Variants in DYDC2 observed in about 807,000 individuals in gnomAD.
The protein encoded by DYDC2 is DPY30 domain-containing protein 2.
In DYDC2, 19 loss-of-function variants were observed where a neutral mutation model predicts 18.7. That is an observed-to-expected ratio of 1.02 (90% CI 0.71 to 1.49). The LOEUF is 1.49. DYDC2 is among the 40% of genes most tolerant of loss of function. The pLI is 0.00. For missense variants in DYDC2, 179 were observed against 205.1 expected (o/e 0.87, Z 0.78); for synonymous variants, 63 against 67.6 (o/e 0.93, Z 0.34).
At chr10:80,348,977 C>T (rs1255485568) in intron 1 of DYDC2, among the ~76,000 whole-genome samples, 1 of 152,146 alleles carries the variant, frequency 6.6e-6, no homozygotes, top group African/African-American at 2.4e-5. Flanking sequence ...CTGCAAGCTC[C>T]GCCTCCTGGG....
intron 4 of DYDC2, among the ~76,000 whole-genome samples, 185 bp from the exon 5 acceptor site, chr10:80,366,503 G>A (rs1843842365): frequency 6.6e-6 from 1 of 152,176 alleles, no homozygotes; most frequent in South Asian, 2.1e-4. Context: ...TGTTCTGGCA[G>A]GCAGTTAAAT....
At chr10:80,356,359 C>T (rs1285757572), upstream of DYDC2, 1 of 985,886 alleles carries the variant, frequency 1.0e-6, no homozygotes, top group Non-Finnish European at 1.2e-6. Context: ...TTACCCACAC[C>T]TGGGAGACAG....
At chr10:80,356,967 A>G (rs1843412352) in intron 1 of DYDC2, 142 bp downstream of exon 1, 3 of 534,844 alleles carry the variant, frequency 5.6e-6, no homozygotes, top group Non-Finnish European at 6.9e-6. Context: ...GGCGTGCAGG[A>G]GTAGGAGCCC....
At chr10:80,365,714 C>T (rs1050194859) in intron 4 of DYDC2, among the ~76,000 whole-genome samples, 2 of 152,112 alleles carry the variant, frequency 1.3e-5, no homozygotes, top group African/African-American at 4.8e-5. Flanking sequence ...GTCACTGAAG[C>T]TTGTTTGTTT....
At chr10:80,357,859 C>T in intron 1 of DYDC2, 34 bp from the exon 2 acceptor site, 1 of 985,676 alleles carries the variant, frequency 1.0e-6, no homozygotes, top group Non-Finnish European at 1.2e-6. Flanking sequence ...GGTGGCAGAA[C>T]TCTCTCAATG....
Position 80,366,178 on chromosome 10 carries a change from G to A in DYDC2, c.271-510G>A, listed in dbSNP as rs549850308. ...CTCCCAAGTAGCTGGGATTACAGGCGCCCGCCACCACACCCAGCTAATTTT... is the reference window on the plus strand; with the variant it reads ...CTCCCAAGTAGCTGGGATTACAGGCACCCGCCACCACACCCAGCTAATTTT... On this transcript the variant is annotated intron_variant, in intron 4 of 4. Transcript: ENST00000256039. Among the ~76,000 whole-genome samples, 90 of 151,410 alleles carry A rather than the reference G, an allele frequency of 5.9e-4. 1 individual carries two copies. The highest frequency in any genetic ancestry group is 1.8e-3 in the African/African-American group (76 of 41,302).
chr10:80,351,653 T>C (rs1444972169), intron 1 of DYDC2, among the ~76,000 whole-genome samples: 3 of 152,212 alleles, frequency 2.0e-5, no homozygotes, highest in Non-Finnish European at 4.4e-5. Flanking sequence ...CCTGGAGGTA[T>C]GGCATCTTTT....
At chr10:80,351,766 A>T (rs1842994787) in intron 1 of DYDC2, 1 of 760,366 alleles carries the variant, frequency 1.3e-6, no homozygotes, top group South Asian at 1.9e-5. Flanking sequence ...AGACACACAC[A>T]TCCATAAAGA....
chr10:80,357,160 G>A (rs1465722445), intron 1 of DYDC2, among the ~76,000 whole-genome samples: 1 of 149,976 alleles, frequency 6.7e-6, no homozygotes, highest in Non-Finnish European at 1.5e-5. Flanking sequence ...GCGCGCACGA[G>A]GGGGCAACGG....
intron 2 of DYDC2, among the ~76,000 whole-genome samples, chr10:80,359,425 A>G (rs1030058868): frequency 5.9e-5 from 9 of 152,186 alleles, no homozygotes; most frequent in Admixed American, 3.9e-4. Flanking sequence ...CAGGAGCCCA[A>G]ATGGCTTCAC....
upstream of DYDC2, chr10:80,356,486 A>G (rs1843375058): frequency 2.0e-6 from 2 of 985,206 alleles, no homozygotes; most frequent in South Asian, 4.7e-5. Context: ...GGAGTCTGGA[A>G]GGGTCTCCCG....
intron 2 of DYDC2, among the ~76,000 whole-genome samples, chr10:80,359,416 A>C (rs10160056): frequency 0.34 from 52,111 of 152,158 alleles, 10,141 homozygotes; most frequent in East Asian, 0.82. Flanking sequence ...CACTAGACTC[A>C]GGAGCCCAAA....
chr10:80,357,020 A>C (rs1843419533), intron 1 of DYDC2, among the ~76,000 whole-genome samples, 195 bp downstream of exon 1: 1 of 108,842 alleles, frequency 9.2e-6, no homozygotes, highest in Non-Finnish European at 1.8e-5. Context: ...GGGGGCGTGC[A>C]GGCGCGGGGC....
chr10:80,344,776 TC>T, exon 1 of DYDC2: 1 of 315,044 alleles, frequency 3.2e-6, no homozygotes, highest in Admixed American at 3.7e-5. Context: ...GCCTTTCGCC[TC>T]CCACCATGAT....
intron 1 of DYDC2, among the ~76,000 whole-genome samples, chr10:80,347,724 G>C (rs11202638): frequency 1.3e-5 from 2 of 152,044 alleles, no homozygotes; most frequent in African/African-American, 4.8e-5. Flanking sequence ...TTTTCCCTTT[G>C]TGTTTTCTTG....
chr10:80,352,738 G>A, upstream of DYDC2: 1 of 1,173,824 alleles, frequency 8.5e-7, no homozygotes, highest in South Asian at 3.5e-5. Flanking sequence ...TCCCATTGGG[G>A]GTGTCACAAG....
chr10:80,358,091 C>T (rs975577217), intron 2 of DYDC2, 46 bp downstream of exon 2: 1 of 984,946 alleles, frequency 1.0e-6, no homozygotes, highest in Non-Finnish European at 1.2e-6. Flanking sequence ...AAAGGCATCC[C>T]CTTGGCCAGG....
intron 2 of DYDC2, among the ~76,000 whole-genome samples, chr10:80,358,325 A>C (rs528616502): frequency 2.0e-5 from 3 of 152,094 alleles, no homozygotes; most frequent in Admixed American, 2.0e-4. Context: ...TTGCAGTAAG[A>C]CGAGATTGTG....
Position 80,347,276 on chromosome 10 carries a change from CTT to C in DYDC2, c.-310+2489_-310+2490del, listed in dbSNP as rs556362145. 1.3e-4 allele frequency among the ~76,000 whole-genome samples: 12 copies of C among 90,112 alleles called. 3 individuals carry two copies. Among genetic ancestry groups the C allele is most frequent in the African/African-American group, 4.8e-4 (11 of 22,840 alleles). The allele number at this position is 90,112 out of a possible 152,430, so 59.1% of individuals were successfully genotyped here. On this transcript the variant is annotated intron_variant, in intron 1 of 4. Transcript: ENST00000372197. ...CTTTGCCCATTTTTTAATTGGGATC[CTT>C]TTTTTTTTTTTTTTTTTTTTTTTTT...
Sources: gnomAD v4.1 joint callset for allele counts (sites outside exome capture counted in the v4.1 genomes callset) on GRCh38, gnomAD v4.1.1 for gene constraint, MANE v1.5 for transcripts, NCBI Gene and HGNC (gene_info 2026-07-23, HGNC 2026-07-21) for gene names.